Variants in RIMBP2 observed in about 807,000 individuals in gnomAD.
The protein encoded by RIMBP2 is RIMS binding protein 2, also known as RIMS-binding protein 2.
RIMBP2 carries 48 observed loss-of-function variants against 118.6 expected under a neutral mutation model. That is an observed-to-expected ratio of 0.40 (90% CI 0.32 to 0.51). The LOEUF is 0.51. RIMBP2 is among the 20% of genes least tolerant of loss of function. The pLI is 0.41. For missense variants in RIMBP2, 1,551 were observed against 1,768.3 expected (o/e 0.88, Z 2.20); for synonymous variants, 762 against 742.9 (o/e 1.03, Z -0.42).
chr12:130,651,661 A>G (rs1382701429), intron 1 of RIMBP2, among the ~76,000 whole-genome samples: 1 of 152,248 alleles, frequency 6.6e-6, no homozygotes, highest in Non-Finnish European at 1.5e-5. Context: ...GAATCTTTTC[A>G]TGTCTGTGTG....
intron 19 of RIMBP2, among the ~76,000 whole-genome samples, chr12:130,409,508 AATTTTTTTGT>A (rs1333608517): frequency 1.3e-5 from 2 of 151,706 alleles, no homozygotes; most frequent in East Asian, 3.9e-4. Context: ...ACGCCCGGCT[AATTTTTTTGT>A]ATTTTTTTGT....
At chr12:130,519,981 T>C (rs1233567441) in intron 2 of RIMBP2, among the ~76,000 whole-genome samples, 3 of 152,142 alleles carry the variant, frequency 2.0e-5, no homozygotes, top group Non-Finnish European at 4.4e-5. Context: ...CCTGAAGGCA[T>C]TGCAATGACT....
intron 2 of RIMBP2, among the ~76,000 whole-genome samples, chr12:130,524,679 G>C (rs1056318360): frequency 6.6e-6 from 1 of 152,242 alleles, no homozygotes; most frequent in East Asian, 1.9e-4. Flanking sequence ...TGTCCTGGGT[G>C]TTAAGGGGAT....
At chr12:130,668,241 C>T (rs532550625) in intron 1 of RIMBP2, 2 of 152,330 alleles carry the variant, frequency 1.3e-5, no homozygotes, top group South Asian at 4.1e-4. Context: ...ACGGTAAGAA[C>T]ACTCGATAAC....
At chr12:130,470,640 ACT>A in intron 6 of RIMBP2, 51 bp downstream of exon 6, 1 of 1,085,616 alleles carries the variant, frequency 9.2e-7, no homozygotes, top group Non-Finnish European at 1.2e-6. Flanking sequence ...CATCAGGGCA[ACT>A]CTCCCCAACG....
chr12:130,538,924 G>A (rs780066041), intron 2 of RIMBP2, among the ~76,000 whole-genome samples: 7 of 152,150 alleles, frequency 4.6e-5, no homozygotes, highest in East Asian at 1.9e-4. Context: ...CAGGGTGGTC[G>A]AGAGCTGGGC....
rs1379654619 is a variant in RIMBP2, at chr12:130,450,928, C to T, written c.504+267G>A. 1.3e-5 allele frequency among the ~76,000 whole-genome samples: 2 copies of T among 152,190 alleles called. No homozygotes were observed. The highest frequency in any genetic ancestry group is 6.5e-5 in the Admixed American group (1 of 15,280). On this transcript the variant is annotated intron_variant, in intron 8 of 22. Coordinates refer to ENST00000690449, the MANE Select transcript of RIMBP2 (RefSeq NM_001393629.1). This position sits in a 1 kb window ranked among gnomAD's most constrained non-coding sequence, Gnocchi z 4.8. Reference sequence around the variant, plus strand: ...CTTGCTGCGTCATCCTTGCACCCCTCGATGGGATTTGCTTTTCTAAACGCT... The same window carrying T: ...CTTGCTGCGTCATCCTTGCACCCCTTGATGGGATTTGCTTTTCTAAACGCT...
intron 17 of RIMBP2, 58 bp from the exon 18 acceptor site, chr12:130,414,364 A>G (rs770729952): frequency 3.4e-5 from 51 of 1,493,606 alleles, no homozygotes; most frequent in Non-Finnish European, 4.4e-5. Context: ...AGGAGCGTGC[A>G]CGGGAAATGC....
At chr12:130,503,162 T>C (rs1470266235) in intron 4 of RIMBP2, among the ~76,000 whole-genome samples, 2 of 151,446 alleles carry the variant, frequency 1.3e-5, no homozygotes, top group Admixed American at 1.3e-4. Flanking sequence ...GAGGCCAAGG[T>C]GAATGGATCA....
At chr12:130,448,229 G>C (rs920750252) in intron 9 of RIMBP2, among the ~76,000 whole-genome samples, 1 of 152,212 alleles carries the variant, frequency 6.6e-6, no homozygotes, top group Non-Finnish European at 1.5e-5. Context: ...CCACGGGAGA[G>C]GCAGATGTGC....
At chr12:130,658,757 A>AG (rs1594158476) in intron 1 of RIMBP2, 2 of 152,204 alleles carry the variant, frequency 1.3e-5, no homozygotes, top group African/African-American at 4.8e-5. Flanking sequence ...TCCTGCAACC[A>AG]GCCCGCACCC....
chr12:130,464,654 G>C (rs1386671307), intron 6 of RIMBP2, among the ~76,000 whole-genome samples: 3 of 152,222 alleles, frequency 2.0e-5, no homozygotes, highest in African/African-American at 7.2e-5. Flanking sequence ...TTGGTGTTAG[G>C]CCATTGCACC....
rs2078590597 is a variant in RIMBP2, at chr12:130,447,095, G to A, written c.582-1826C>T. Among the ~76,000 whole-genome samples the A allele has an allele frequency of 6.7e-6, 1 of 150,286 alleles. No individual in the cohort carries two copies. The highest frequency in any genetic ancestry group is 1.5e-5 in the Non-Finnish European group (1 of 67,924). On this transcript the variant is annotated intron_variant, in intron 9 of 22. Transcript: ENST00000690449. This position sits in a 1 kb window ranked among gnomAD's most constrained non-coding sequence, Gnocchi z 4.4. ...TCGGAGGAGGAGGAGGAGGAGGAGG[G>A]AGCGAGAGGAACAGGAGCCCCCAGG...
chr12:130,441,704 C>T (rs1030479669), intron 11 of RIMBP2, 144 bp downstream of exon 11: 17 of 719,910 alleles, frequency 2.4e-5, no homozygotes, highest in Admixed American at 1.4e-4. Flanking sequence ...TTCTGTGCTT[C>T]GCCGGTGACC....
chr12:130,449,181 G>C (rs1461465028), intron 9 of RIMBP2, among the ~76,000 whole-genome samples: 2 of 152,248 alleles, frequency 1.3e-5, no homozygotes, highest in Non-Finnish European at 2.9e-5. Context: ...ACAAAAGGCT[G>C]GGTCTTCACG....
chr12:130,673,033 CTG>C (rs1222593192), intron 1 of RIMBP2, among the ~76,000 whole-genome samples: 1 of 55,404 alleles, frequency 1.8e-5, no homozygotes, highest in East Asian at 6.1e-4. Flanking sequence ...AAAGAACAGT[CTG>C]TCTCAGAAAA....
chr12:130,409,480 C>T (rs2075507724), intron 19 of RIMBP2, among the ~76,000 whole-genome samples: 3 of 151,726 alleles, frequency 2.0e-5, no homozygotes, highest in Non-Finnish European at 4.4e-5. Flanking sequence ...GTAGCTGGGA[C>T]TGCAGGCGCC....
Position 130,623,460 on chromosome 12 carries a change from G to A in RIMBP2, c.-217+4862C>T, listed in dbSNP as rs1211148476. Among the ~76,000 whole-genome samples the A allele has an allele frequency of 1.3e-5, 2 of 149,566 alleles. No homozygotes were observed. Among genetic ancestry groups the A allele is most frequent in the Non-Finnish European group, 3.0e-5 (2 of 67,388 alleles). On this transcript the variant is annotated intron_variant, in intron 2 of 22. Transcript: ENST00000690449. This position sits in a 1 kb window ranked among gnomAD's most constrained non-coding sequence, Gnocchi z 4.1. ...ACATTTGCACAGATTCTCGAGTAAT[G>A]TACACAGGTAGCATGGACAAGTATG...
chr12:130,554,501 A>C (rs905737741), intron 2 of RIMBP2, among the ~76,000 whole-genome samples: 1 of 152,204 alleles, frequency 6.6e-6, no homozygotes, highest in Admixed American at 6.5e-5. Context: ...AAGTGACCCT[A>C]CTAACATCAC....
Sources: allele counts gnomAD v4.1 joint callset (sites outside exome capture counted in the v4.1 genomes callset), GRCh38; gene constraint gnomAD v4.1.1; non-coding constraint Gnocchi (gnomAD v3.1); transcripts MANE v1.5; gene names NCBI Gene and HGNC (gene_info 2026-07-23, HGNC 2026-07-21).